Variants in DLG2 observed in about 807,000 individuals in gnomAD.
DLG2 encodes discs large MAGUK scaffold protein 2, also known as disks large homolog 2.
A neutral mutation model predicts 132.5 loss-of-function variants in DLG2; 45 were observed. The ratio of observed to expected loss-of-function variants is 0.34; its 90% CI spans 0.27 to 0.44. The LOEUF (loss-of-function observed/expected upper bound fraction) is 0.44. DLG2 is among the 20% of genes least tolerant of loss of function. The pLI, the probability that DLG2 is intolerant of heterozygous loss-of-function variation, is 1.00. For synonymous variants in DLG2, 424 were observed against 419.6 expected (o/e 1.01, Z -0.13); for missense variants, 1,045 against 1,196.9 (o/e 0.87, Z 1.87).
intron 6 of DLG2, among the ~76,000 whole-genome samples, chr11:84,596,222 C>T (rs577792221): frequency 9.6e-5 from 14 of 146,334 alleles, no homozygotes; most frequent in African/African-American, 3.3e-4. Flanking sequence ...CTCTCTCTTT[C>T]TCTTGACGGA....
At chr11:84,931,211 A>G (rs898251853) in intron 6 of DLG2, among the ~76,000 whole-genome samples, 3 of 152,060 alleles carry the variant, frequency 2.0e-5, no homozygotes, top group Non-Finnish European at 4.4e-5. Context: ...GTTAATAGGT[A>G]AACTTGTGTC....
rs1235684970 is a variant in DLG2 at position 85,111,783 on chromosome 11, T to C, written c.283-48A>G. The C allele has an allele frequency of 2.2e-5, 29 of 1,337,956 alleles. No homozygotes were observed. In the East Asian group the frequency reaches 6.8e-4, roughly 31 times the overall value. 82.9% of individuals were successfully genotyped at this position (1,337,956 alleles called of 1,614,324 possible). A position where few individuals can be genotyped will look rare whatever the true frequency, so the allele number is the denominator to read the frequency against. On this transcript the variant is annotated intron_variant, in intron 5 of 27. Coordinates refer to ENST00000376104, the MANE Select transcript of DLG2 (RefSeq NM_001142699.3). ...TTATATTCTATTTATTATGGGCCAG[T>C]ATGTATATATGCTAGCTGACATGTT...
intron 3 of DLG2, among the ~76,000 whole-genome samples, chr11:85,571,112 G>A (rs1056751711): frequency 6.6e-6 from 1 of 151,882 alleles, no homozygotes; most frequent in African/African-American, 2.4e-5. Flanking sequence ...GGCTACCTAA[G>A]GACAGTTTAT....
intron 4 of DLG2, among the ~76,000 whole-genome samples, chr11:85,160,647 CA>C (rs1443547712): frequency 3.9e-5 from 6 of 152,180 alleles, no homozygotes; most frequent in African/African-American, 1.4e-4. Flanking sequence ...TGATTGAGCT[CA>C]AGGATGTCTT....
At chr11:84,612,387 T>C (rs1231848630) in intron 6 of DLG2, among the ~76,000 whole-genome samples, 1 of 152,162 alleles carries the variant, frequency 6.6e-6, no homozygotes, top group Non-Finnish European at 1.5e-5. Flanking sequence ...ACTATGAACA[T>C]TTAGGGAGAA....
intron 6 of DLG2, among the ~76,000 whole-genome samples, chr11:84,541,729 A>G (rs959416385): frequency 1.3e-5 from 2 of 152,190 alleles, no homozygotes; most frequent in Admixed American, 6.5e-5. Flanking sequence ...TATCTGAGCA[A>G]TAACATGATC....
In DLG2 at chr11:84,173,052, A is replaced by G. The variant is rs59898655; in HGVS notation, c.574-9541T>C. 8.5e-3 allele frequency among the ~76,000 whole-genome samples: 1,288 copies of G among 152,332 alleles called. 20 individuals carry two copies. Among genetic ancestry groups the G allele is most frequent in the African/African-American group, 0.029 (1,209 of 41,574 alleles). On this transcript the variant is annotated intron_variant, in intron 8 of 27. Transcript: ENST00000376104. ...TCAGTATTTCCATCAGAAGAAATTA[A>G]GAAAAATAGCTTAGGGTTCTTATAT...
intron 8 of DLG2, among the ~76,000 whole-genome samples, chr11:84,225,115 G>C (rs2096971820): frequency 6.6e-6 from 1 of 152,156 alleles, no homozygotes; most frequent in African/African-American, 2.4e-5. Context: ...AGGCCTTCTT[G>C]AAGCCATAGT....
intron 6 of DLG2, among the ~76,000 whole-genome samples, chr11:84,702,086 T>C (rs1248194625): frequency 3.3e-5 from 5 of 151,658 alleles, no homozygotes; most frequent in Non-Finnish European, 7.4e-5. Flanking sequence ...ATTGAATACA[T>C]ATATTTGCTA....
intron 3 of DLG2, among the ~76,000 whole-genome samples, chr11:85,500,302 A>T (rs569568958): frequency 7.1e-6 from 1 of 140,268 alleles, no homozygotes; most frequent in Non-Finnish European, 1.5e-5. Context: ...CAAAAAACCA[A>T]ACACCGCATA....
At position 83,753,817 on chromosome 11, in the gene DLG2, T is replaced by TATC. The variant is rs1230263002; in HGVS notation, c.1825+32872_1825+32873insGAT. On this transcript the variant is annotated intron_variant, in intron 18 of 27. Coordinates refer to ENST00000376104, the MANE Select transcript of DLG2 (RefSeq NM_001142699.3). ...TATGATATATCATATATATCATATA[T>TATC]ATATTTCATATATATATGATATATA... Among the ~76,000 whole-genome samples, 427 of 71,432 alleles carry TATC rather than the reference T, an allele frequency of 6.0e-3. 33 individuals are homozygous for TATC. The highest frequency in any genetic ancestry group is 0.037 in the African/African-American group (389 of 10,378). 46.9% of individuals were successfully genotyped at this position (71,432 alleles called of 152,430 possible). A position where few individuals can be genotyped will look rare whatever the true frequency, so the allele number is the denominator to read the frequency against.
At chr11:83,646,515 G>C (rs617335) in intron 18 of DLG2, 57,158 of 151,988 alleles carry the variant, frequency 0.38, 12,041 homozygotes, top group African/African-American at 0.56. Context: ...GACACTTTTG[G>C]TGGTCTCTCC....
rs61900027 is a variant in DLG2 at position 83,759,169 on chromosome 11, A to G, written c.1825+27521T>C. Reference sequence around the variant, plus strand: ...AAAAGTCATAAGTGTCTATATAGGTAAAGTACATTAATGGTTCAGAAGATA... The same window carrying G: ...AAAAGTCATAAGTGTCTATATAGGTGAAGTACATTAATGGTTCAGAAGATA... On this transcript the variant is annotated intron_variant, in intron 18 of 27. Transcript: ENST00000376104. Among the ~76,000 whole-genome samples the G allele has an allele frequency of 5.1e-3, 774 of 152,334 alleles. 2 individuals are homozygous for G. The highest frequency in any genetic ancestry group is 0.017 in the Middle Eastern group (5 of 294).
At chr11:83,799,886 G>T (rs935167028) in intron 17 of DLG2, among the ~76,000 whole-genome samples, 2 of 152,212 alleles carry the variant, frequency 1.3e-5, no homozygotes, top group Non-Finnish European at 2.9e-5. Context: ...CCTGTGGTCA[G>T]TACCCTGGTC....
intron 3 of DLG2, among the ~76,000 whole-genome samples, chr11:85,292,301 GAA>G (rs1281001332): frequency 6.6e-6 from 1 of 152,024 alleles, no homozygotes. Flanking sequence ...TTTGTACCAA[GAA>G]AAGTTTCTTT....
At chr11:83,739,171 C>G (rs944149675) in intron 18 of DLG2, among the ~76,000 whole-genome samples, 5 of 151,900 alleles carry the variant, frequency 3.3e-5, no homozygotes, top group African/African-American at 1.2e-4. Flanking sequence ...TTAACTGGAC[C>G]CACCACTGAT....
chr11:85,122,132 T>A (rs75860606), intron 5 of DLG2, among the ~76,000 whole-genome samples: 1 of 152,282 alleles, frequency 6.6e-6, no homozygotes, highest in African/African-American at 2.4e-5. Flanking sequence ...TAAATACAAC[T>A]AAGAACTTCC....
intron 7 of DLG2, among the ~76,000 whole-genome samples, chr11:84,457,441 G>A (rs2099068365): frequency 6.6e-6 from 1 of 150,958 alleles, no homozygotes; most frequent in Non-Finnish European, 1.5e-5. Flanking sequence ...TTCATAGAGG[G>A]AGAAATTACA....
At chr11:84,876,340 A>C (rs2086347866) in intron 6 of DLG2, among the ~76,000 whole-genome samples, 1 of 152,106 alleles carries the variant, frequency 6.6e-6, no homozygotes, top group South Asian at 2.1e-4. Flanking sequence ...GTAGGCTATT[A>C]ATTACTGCCT....
Sources: gnomAD v4.1 joint callset for allele counts (sites outside exome capture counted in the v4.1 genomes callset) on GRCh38, gnomAD v4.1.1 for gene constraint, MANE v1.5 for transcripts, NCBI Gene and HGNC (gene_info 2026-07-23, HGNC 2026-07-21) for gene names.